Variants in ACTR3C observed in about 807,000 individuals in gnomAD.
The protein encoded by ACTR3C is actin related protein 3C, also known as actin-related protein 3C.
In ACTR3C, 18 loss-of-function variants were observed where a neutral mutation model predicts 26.3. The observed-to-expected ratio is 0.68, with a 90% CI of 0.47 to 1.01. The LOEUF is 1.01. Among genes scored for constraint, ACTR3C ranks in the 50% least tolerant of loss-of-function variants. The pLI is 0.00. For missense variants in ACTR3C, 184 were observed against 250.7 expected (o/e 0.73, Z 1.80); for synonymous variants, 55 against 94.5 (o/e 0.58, Z 2.42).
the ACTR3C span, among the ~76,000 whole-genome samples, chr7:150,152,511 G>A: frequency 6.6e-6 from 1 of 152,276 alleles, no homozygotes; most frequent in South Asian, 2.1e-4. Context: ...TGGTGGATAA[G>A]CTTTTTGATG....
the ACTR3C span, among the ~76,000 whole-genome samples, chr7:150,182,797 C>G: frequency 6.6e-6 from 1 of 151,018 alleles, no homozygotes; most frequent in Non-Finnish European, 1.5e-5. Flanking sequence ...CAAATGTCTA[C>G]CTTTCAAACA....
At chr7:150,211,239 T>C in the ACTR3C span, among the ~76,000 whole-genome samples, 1 of 150,082 alleles carries the variant, frequency 6.7e-6, no homozygotes, top group Non-Finnish European at 1.5e-5. Context: ...TCTATGCCAA[T>C]GGATGCCTTA....
intron 2 of ACTR3C, among the ~76,000 whole-genome samples, chr7:150,294,943 T>A (rs548198819): frequency 6.6e-6 from 1 of 151,958 alleles, no homozygotes; most frequent in East Asian, 1.9e-4. Context: ...GTTTTTCTGA[T>A]CAAAGTCAAA....
At chr7:149,992,351 T>C in the ACTR3C span, among the ~76,000 whole-genome samples, 1 of 152,256 alleles carries the variant, frequency 6.6e-6, no homozygotes, top group Non-Finnish European at 1.5e-5. Context: ...CTAAAGCACG[T>C]TCCACCATGG....
At chr7:150,185,212 T>C in the ACTR3C span, among the ~76,000 whole-genome samples, 1 of 151,508 alleles carries the variant, frequency 6.6e-6, no homozygotes, top group African/African-American at 2.4e-5. Flanking sequence ...GAGAAAACCA[T>C]GGTGTCTACC....
At chr7:149,953,168 T>C in the ACTR3C span, among the ~76,000 whole-genome samples, 2 of 149,358 alleles carry the variant, frequency 1.3e-5, no homozygotes, top group Admixed American at 1.3e-4. Context: ...CATTTATTTC[T>C]ATGCAAAGCA....
the ACTR3C span, among the ~76,000 whole-genome samples, chr7:149,921,041 C>G: frequency 6.6e-6 from 1 of 152,312 alleles, no homozygotes; most frequent in African/African-American, 2.4e-5. Context: ...CAGGCGTGAG[C>G]CACCGTGCCC....
At chr7:150,142,598 A>C in the ACTR3C span, among the ~76,000 whole-genome samples, 4 of 149,636 alleles carry the variant, frequency 2.7e-5, no homozygotes, top group African/African-American at 7.4e-5. Flanking sequence ...GTGTGATCTC[A>C]GCTCACTGCA....
the ACTR3C span, among the ~76,000 whole-genome samples, chr7:150,094,868 C>A: frequency 6.7e-6 from 1 of 148,726 alleles, no homozygotes; most frequent in Non-Finnish European, 1.5e-5. Context: ...CTCGTCCAAC[C>A]GGAAGGTGAA....
chr7:150,093,818 C>T, the ACTR3C span, among the ~76,000 whole-genome samples: 1 of 150,930 alleles, frequency 6.6e-6, no homozygotes, highest in Non-Finnish European at 1.5e-5. Flanking sequence ...CCCAGCAGCA[C>T]CAACCAGGGC....
chr7:150,039,310 C>T, the ACTR3C span, among the ~76,000 whole-genome samples: 2 of 148,168 alleles, frequency 1.3e-5, no homozygotes, highest in Admixed American at 1.3e-4. Flanking sequence ...TACCAACAGC[C>T]AGGGGCGGAA....
the ACTR3C span, among the ~76,000 whole-genome samples, chr7:150,169,855 C>T: frequency 6.6e-6 from 1 of 150,642 alleles, no homozygotes; most frequent in Non-Finnish European, 1.5e-5. Flanking sequence ...CCTCCTTCTC[C>T]ACACTCTCCT....
At chr7:150,271,807 G>A (rs1298364201) in intron 6 of ACTR3C, among the ~76,000 whole-genome samples, 2 of 147,512 alleles carry the variant, frequency 1.4e-5, no homozygotes, top group Non-Finnish European at 2.9e-5. Context: ...TGTTGCACAT[G>A]ACAAACAGAA....
the ACTR3C span, among the ~76,000 whole-genome samples, chr7:149,965,950 C>T: frequency 2.0e-5 from 3 of 152,186 alleles, no homozygotes; most frequent in Non-Finnish European, 1.5e-5. Flanking sequence ...CCCTTGGCTC[C>T]GGCTTCTGAA....
At chr7:149,908,276 A>AT in the ACTR3C span, among the ~76,000 whole-genome samples, 3 of 152,270 alleles carry the variant, frequency 2.0e-5, no homozygotes, top group South Asian at 2.1e-4. Flanking sequence ...AGTCTTTAGT[A>AT]TTTTTTATGG....
chr7:149,949,036 C>T, the ACTR3C span, among the ~76,000 whole-genome samples: 3 of 147,360 alleles, frequency 2.0e-5, no homozygotes, highest in Non-Finnish European at 3.0e-5. Flanking sequence ...AATTAATAGG[C>T]CAGGTGCTGC....
the ACTR3C span, among the ~76,000 whole-genome samples, chr7:149,994,139 GCA>G: frequency 1.0e-3 from 153 of 152,244 alleles, 1 homozygote; most frequent in East Asian, 0.027. Flanking sequence ...ATATGAAAGT[GCA>G]CAGATATGAG....
chr7:150,133,051 A>G, the ACTR3C span, among the ~76,000 whole-genome samples: 4 of 152,164 alleles, frequency 2.6e-5, no homozygotes, highest in African/African-American at 9.7e-5. Flanking sequence ...TAGCAACCCT[A>G]GACATGAGCT....
chr7:149,971,381 G>A, the ACTR3C span, among the ~76,000 whole-genome samples: 1 of 152,198 alleles, frequency 6.6e-6, no homozygotes, highest in Non-Finnish European at 1.5e-5. Context: ...GCCATGGCAC[G>A]TGGATTGACT....
Sources: gnomAD v4.1 joint callset for allele counts (sites outside exome capture counted in the v4.1 genomes callset) on GRCh38, gnomAD v4.1.1 for gene constraint, MANE v1.5 for transcripts, NCBI Gene and HGNC (gene_info 2026-07-23, HGNC 2026-07-21) for gene names.